ENPP3: variants seen among roughly 807,000 people sequenced by gnomAD.
ENPP3 encodes the protein ectonucleotide pyrophosphatase/phosphodiesterase family member 3.
In ENPP3, 104 loss-of-function variants were observed where a neutral mutation model predicts 117.8. The ratio of observed to expected loss-of-function variants is 0.88; its 90% CI spans 0.75 to 1.04. ENPP3 has a LOEUF of 1.04. Ranked by LOEUF, ENPP3 falls within the 50% of genes least tolerant of loss-of-function variation. The pLI is 0.00. For synonymous variants in ENPP3, 380 were observed against 349.9 expected (o/e 1.09, Z -0.96); for missense variants, 1,026 against 1,051.9 (o/e 0.98, Z 0.34).
In ENPP3 at chr6:131,710,138, C is replaced by T. The variant is rs747406204; in HGVS notation, c.1413-8534C>T. ...TCCCATTGACTGTTCACTTTTAATT[C>T]CAGGTTATCATCATCCGTTGTGTCT... On this transcript the variant is annotated intron_variant, in intron 15 of 24. Transcript: ENST00000357639. 5 of 1,613,904 alleles carry T rather than the reference C, an allele frequency of 3.1e-6. No homozygotes were observed. The South Asian group carries it at 4.4e-5, about 14-fold the overall frequency.
rs1779197547 is a variant in ENPP3 at position 131,688,197 on chromosome 6, G to A, written c.1284+2290G>A. On this transcript the variant is annotated intron_variant, in intron 14 of 24. Transcript: ENST00000357639. ...ACCATGAATCCTACTCATAGAAGAT[G>A]GCAAACTTAACAGATAAATATTACA... 2.6e-5 allele frequency among the ~76,000 whole-genome samples: 4 copies of A among 152,118 alleles called. No homozygotes were observed. In the South Asian group the frequency reaches 8.3e-4, roughly 32 times the overall value.
intron 6 of ENPP3, among the ~76,000 whole-genome samples, chr6:131,667,132 CT>C (rs199624984): frequency 2.2e-3 from 337 of 151,262 alleles, no homozygotes; most frequent in African/African-American, 7.4e-3. Flanking sequence ...GGTCGTGGGG[CT>C]TTTTTTTTCT....
intron 6 of ENPP3, among the ~76,000 whole-genome samples, chr6:131,669,195 T>C (rs1778686144): frequency 1.3e-5 from 2 of 152,226 alleles, no homozygotes. Context: ...TATTTTATTT[T>C]CTTGTTATAT....
At chr6:131,684,855 G>T (rs1466793515) in intron 12 of ENPP3, among the ~76,000 whole-genome samples, 1 of 152,038 alleles carries the variant, frequency 6.6e-6, no homozygotes, top group Admixed American at 6.6e-5. Flanking sequence ...CACAATCTCG[G>T]CTCACTGCAA....
chr6:131,679,539 G>A (rs1423646766), intron 11 of ENPP3, among the ~76,000 whole-genome samples: 1 of 145,422 alleles, frequency 6.9e-6, no homozygotes, highest in African/African-American at 2.6e-5. Context: ...CCATTCAGTG[G>A]TCTAGTTCAA....
At chr6:131,738,589 T>C (rs1401281234) in intron 23 of ENPP3, among the ~76,000 whole-genome samples, 2 of 151,890 alleles carry the variant, frequency 1.3e-5, no homozygotes, top group African/African-American at 4.8e-5. Context: ...TTTACAAGAA[T>C]AGTGAACAGT....
intron 11 of ENPP3, among the ~76,000 whole-genome samples, chr6:131,681,619 G>A (rs572411408): frequency 1.9e-4 from 29 of 152,136 alleles, no homozygotes; most frequent in South Asian, 6.2e-4. Flanking sequence ...AAGGCAGTGA[G>A]TATAAACAAT....
In ENPP3 at chr6:131,722,213, T is replaced by C; in HGVS notation, c.1568-14T>C. ...AGTGTAAAGCTACTTTGAACTAATT[T>C]TTTCAAAAAACAGATCTTCTACGCA... On this transcript the variant is annotated splice_polypyrimidine_tract_variant and intron_variant, in intron 17 of 24. Coordinates refer to ENST00000357639, the MANE Select transcript of ENPP3 (RefSeq NM_005021.5). 6.2e-7 allele frequency: 1 copy of C among 1,603,014 alleles called. No individual in the cohort carries two copies. Among genetic ancestry groups the C allele is most frequent in the East Asian group, 2.2e-5 (1 of 44,800 alleles).
At chr6:131,656,443 A>G (rs1195339392) in intron 5 of ENPP3, among the ~76,000 whole-genome samples, 1 of 152,178 alleles carries the variant, frequency 6.6e-6, no homozygotes, top group African/African-American at 2.4e-5. Context: ...CTGTTGGGAA[A>G]GAATTGTGGC....
intron 15 of ENPP3, among the ~76,000 whole-genome samples, chr6:131,699,096 T>C (rs1256516944): frequency 6.7e-6 from 1 of 148,878 alleles, no homozygotes; most frequent in African/African-American, 2.5e-5. Context: ...AAATTAGCTA[T>C]GCGTGGTGGC....
chr6:131,716,456 A>T (rs1271792828), intron 15 of ENPP3, among the ~76,000 whole-genome samples: 2 of 152,028 alleles, frequency 1.3e-5, no homozygotes, highest in Non-Finnish European at 2.9e-5. Context: ...TATTTTAAAA[A>T]ACTAGATTTT....
intron 15 of ENPP3, among the ~76,000 whole-genome samples, chr6:131,717,527 G>A (rs1026126577): frequency 6.6e-5 from 10 of 152,036 alleles, no homozygotes; most frequent in African/African-American, 1.9e-4. Context: ...GTATAACATT[G>A]TTGCTTTAAA....
chr6:131,730,472 T>A (rs12530416), intron 20 of ENPP3, among the ~76,000 whole-genome samples: 10,331 of 152,270 alleles, frequency 0.068, 820 homozygotes, highest in East Asian at 0.33. Flanking sequence ...CTTGTTTTGG[T>A]GGACTATATC....
Position 131,676,772 on chromosome 6 carries a change from A to G in ENPP3, c.909A>G (p.Leu303=). ...VPFEERISTL[L]KWLDLPKAER... is the part of the protein sequence containing the mutation. ...TTGAAGAGAGGATTTCTACACTGTT[A>G]AAATGGCTGGACCTGCCCAAAGCTG... is the stretch of plus-strand genomic sequence containing the variant. Residue 303 remains leucine, a synonymous_variant, in exon 10 of 25, where the codon TTA becomes TTG. Coordinates refer to ENST00000357639, the MANE Select transcript of ENPP3 (RefSeq NM_005021.5). The G allele has an allele frequency of 6.2e-7, 1 of 1,611,788 alleles. No homozygotes were observed. Among genetic ancestry groups the G allele is most frequent in the Non-Finnish European group, 8.5e-7 (1 of 1,177,906 alleles).
At chr6:131,674,305 A>G in intron 8 of ENPP3, 24 bp downstream of exon 8, 1 of 1,611,120 alleles carries the variant, frequency 6.2e-7, no homozygotes, top group Admixed American at 1.7e-5. Flanking sequence ...TACACGTCGC[A>G]ACTGAAGTAA....
chr6:131,719,382 AAC>A lies in ENPP3; in HGVS notation c.1479+682_1479+683del, dbSNP rs3032879. Among the ~76,000 whole-genome samples, 169 of 133,184 alleles carry A rather than the reference AAC, an allele frequency of 1.3e-3. 1 individual carries two copies. The highest frequency in any genetic ancestry group is 1.8e-3 in the South Asian group (7 of 3,968). The allele number at this position is 133,184 out of a possible 152,430, so 87.4% of individuals were successfully genotyped here. A position where few individuals can be genotyped will look rare whatever the true frequency, so the allele number is the denominator to read the frequency against. On this transcript the variant is annotated intron_variant, in intron 16 of 24. Coordinates refer to ENST00000357639, the MANE Select transcript of ENPP3 (RefSeq NM_005021.5). Reference sequence around the variant, plus strand: ...GGTTATCTCATCTACTTCCATTTGTAACACACACACACACACACACACACACA... The same window carrying A: ...GGTTATCTCATCTACTTCCATTTGTAACACACACACACACACACACACACA...
chr6:131,705,937 C>T lies in ENPP3; in HGVS notation c.1412+12313C>T, dbSNP rs1779629629. Among the ~76,000 whole-genome samples, 3 of 136,796 alleles carry T rather than the reference C, an allele frequency of 2.2e-5. No homozygotes were observed. In the South Asian group the frequency reaches 6.8e-4, roughly 31 times the overall value. The allele number at this position is 136,796 out of a possible 152,430, so 89.7% of individuals were successfully genotyped here. ...ATGTTTGTGGGATTGCTGCTGTAAA[C>T]AATCCTACTGCACTCCCAGCATGGT... On this transcript the variant is annotated intron_variant, in intron 15 of 24. Coordinates refer to ENST00000357639, the MANE Select transcript of ENPP3 (RefSeq NM_005021.5).
At chr6:131,691,014 CA>C (rs1267515126) in intron 14 of ENPP3, among the ~76,000 whole-genome samples, 1 of 151,982 alleles carries the variant, frequency 6.6e-6, no homozygotes, top group African/African-American at 2.4e-5. Flanking sequence ...CCCAGTTGTG[CA>C]AGGGGATTGA....
At chr6:131,668,337 C>CCG (rs1292107486) in intron 6 of ENPP3, among the ~76,000 whole-genome samples, 3 of 148,664 alleles carry the variant, frequency 2.0e-5, no homozygotes, top group Non-Finnish European at 3.0e-5. Flanking sequence ...CTCGCCCCCC[C>CCG]CTGAGGATCT....
Sources: gnomAD v4.1 joint callset for allele counts (sites outside exome capture counted in the v4.1 genomes callset) on GRCh38, gnomAD v4.1.1 for gene constraint, MANE v1.5 for transcripts, NCBI Gene and HGNC (gene_info 2026-07-23, HGNC 2026-07-21) for gene names.